The following ABCA13 variants were observed in gnomAD, a reference collection of about 807,000 sequenced individuals.
ABCA13 encodes the protein ATP binding cassette subfamily A member 13.
Under a neutral mutation model 478.7 loss-of-function variants are expected in ABCA13, and 476 were observed. The ratio of observed to expected loss-of-function variants is 0.99; its 90% CI spans 0.92 to 1.07. The LOEUF (loss-of-function observed/expected upper bound fraction) is 1.07, where lower values mean the gene tolerates loss of function less well. Among genes scored for constraint, ABCA13 ranks in the 50% least tolerant of loss-of-function variants. The pLI, the probability that ABCA13 is intolerant of heterozygous loss-of-function variation, is 0.00. For missense variants in ABCA13, 6,060 were observed against 5,910.6 expected (o/e 1.03, Z -0.83); for synonymous variants, 2,252 against 2,158.9 (o/e 1.04, Z -1.20).
At chr7:48,242,016 C>G (rs1183634704) in intron 10 of ABCA13, among the ~76,000 whole-genome samples, 2 of 152,140 alleles carry the variant, frequency 1.3e-5, no homozygotes, top group African/African-American at 4.8e-5. Flanking sequence ...AGCAAGGATG[C>G]CTTGAAGTAG....
intron 59 of ABCA13, among the ~76,000 whole-genome samples, chr7:48,620,918 C>T (rs1231676882): frequency 6.6e-6 from 1 of 152,072 alleles, no homozygotes; most frequent in Non-Finnish European, 1.5e-5. Context: ...AAAGGAGTGC[C>T]CTCTTCTCCT....
At chr7:48,570,559 G>C (rs1000200604) in intron 55 of ABCA13, among the ~76,000 whole-genome samples, 1 of 151,504 alleles carries the variant, frequency 6.6e-6, no homozygotes, top group Non-Finnish European at 1.5e-5. Context: ...TCCTCACCTC[G>C]TGATCCACCC....
chr7:48,344,925 C>G (rs899454542), intron 29 of ABCA13, among the ~76,000 whole-genome samples: 3 of 152,180 alleles, frequency 2.0e-5, no homozygotes, highest in Non-Finnish European at 2.9e-5. Context: ...TCTTTCCTCC[C>G]AGAGGAGGGA....
At chr7:48,358,573 C>G (rs999638345) in intron 31 of ABCA13, among the ~76,000 whole-genome samples, 1 of 152,004 alleles carries the variant, frequency 6.6e-6, no homozygotes, top group Non-Finnish European at 1.5e-5. Context: ...AGTTATTCCT[C>G]TATTCATCTA....
chr7:48,498,043 G>A (rs1016961448), intron 48 of ABCA13, among the ~76,000 whole-genome samples: 2 of 152,100 alleles, frequency 1.3e-5, no homozygotes, highest in East Asian at 1.9e-4. Flanking sequence ...GTAGAGTGGC[G>A]GCTAGCCCTG....
At chr7:48,314,723 A>C (rs1802295817) in intron 26 of ABCA13, among the ~76,000 whole-genome samples, 1 of 152,200 alleles carries the variant, frequency 6.6e-6, no homozygotes, top group South Asian at 2.1e-4. Context: ...CATAAAGACC[A>C]TGAGCACTGC....
At chr7:48,555,281 G>A (rs1319811333) in intron 55 of ABCA13, among the ~76,000 whole-genome samples, 4 of 151,792 alleles carry the variant, frequency 2.6e-5, no homozygotes, top group African/African-American at 7.2e-5. Context: ...CAGAGATATT[G>A]GCACATAGTT....
rs1323564521 is a variant in ABCA13 at position 48,589,091 on chromosome 7, T to C, written c.14640+1803T>C. On this transcript the variant is annotated intron_variant, in intron 57 of 61. Transcript: ENST00000435803. ...TATGAACCTAAGCTCTTAAGAAATA[T>C]GTGTTTAGTACTCCCTGGCTAATAA... is the stretch of plus-strand genomic sequence containing the variant. 3.9e-5 allele frequency among the ~76,000 whole-genome samples: 6 copies of C among 152,226 alleles called. No homozygotes were observed. The East Asian group carries it at 5.8e-4, about 15-fold the overall frequency.
chr7:48,469,849 G>T (rs961320324), intron 44 of ABCA13, among the ~76,000 whole-genome samples: 14 of 151,982 alleles, frequency 9.2e-5, no homozygotes, highest in Non-Finnish European at 2.1e-4. Flanking sequence ...GAGCCCAGGA[G>T]GCGGAGGTTG....
At chr7:48,373,715 A>G (rs1813013547) in intron 33 of ABCA13, among the ~76,000 whole-genome samples, 1 of 152,232 alleles carries the variant, frequency 6.6e-6, no homozygotes, top group Non-Finnish European at 1.5e-5. Flanking sequence ...CCTGATTTTC[A>G]GATGGTGTTA....
chr7:48,546,013 T>C (rs1386370909), intron 55 of ABCA13, among the ~76,000 whole-genome samples: 1 of 151,772 alleles, frequency 6.6e-6, no homozygotes, highest in Non-Finnish European at 1.5e-5. Context: ...TGAAGAAACA[T>C]TACATTTATT....
At chr7:48,631,665 C>T (rs1794176721) in intron 59 of ABCA13, among the ~76,000 whole-genome samples, 1 of 150,820 alleles carries the variant, frequency 6.6e-6, no homozygotes, top group African/African-American at 2.4e-5. Flanking sequence ...TTTTTTGGTT[C>T]CATATGAGTT....
rs180877169 is a variant in ABCA13 at position 48,579,804 on chromosome 7, G to C, written c.14355-420G>C. The stretch of plus-strand genomic sequence containing the variant: ...AGGGGAGGAAATGTATGGTGGACTA[G>C]GGTTGTCTCATTATGCAGATAAGAG... On this transcript the variant is annotated intron_variant, in intron 55 of 61. Coordinates refer to ENST00000435803, the MANE Select transcript of ABCA13 (RefSeq NM_152701.5). Among the ~76,000 whole-genome samples, 3 of 152,258 alleles carry C rather than the reference G, an allele frequency of 2.0e-5. No individual in the cohort carries two copies. The East Asian group carries it at 5.8e-4, about 29-fold the overall frequency.
intron 3 of ABCA13, among the ~76,000 whole-genome samples, chr7:48,207,351 T>C (rs575359814): frequency 1.3e-5 from 2 of 152,248 alleles, no homozygotes; most frequent in South Asian, 4.1e-4. Context: ...GTAGTTTTAT[T>C]TCTAGTTTTT....
At chr7:48,640,473 G>A (rs999539367) in intron 59 of ABCA13, among the ~76,000 whole-genome samples, 3 of 152,066 alleles carry the variant, frequency 2.0e-5, no homozygotes, top group African/African-American at 7.2e-5. Flanking sequence ...GTTCCAAAAT[G>A]TTGTACCTCA....
intron 35 of ABCA13, among the ~76,000 whole-genome samples, chr7:48,384,278 G>A (rs954144364): frequency 6.6e-6 from 1 of 152,188 alleles, no homozygotes; most frequent in Non-Finnish European, 1.5e-5. Context: ...CATTGTTCAC[G>A]TATGTGTCAA....
intron 16 of ABCA13, among the ~76,000 whole-genome samples, chr7:48,270,471 G>A (rs1379389154): frequency 6.6e-6 from 1 of 152,168 alleles, no homozygotes; most frequent in African/African-American, 2.4e-5. Flanking sequence ...ATACAAATAA[G>A]TTTTATATTC....
Position 48,264,693 on chromosome 7 carries a change from G to A in ABCA13, c.2006-4287G>A, listed in dbSNP as rs1021449125. Among the ~76,000 whole-genome samples, 4 of 151,406 alleles carry A rather than the reference G, an allele frequency of 2.6e-5. No homozygotes were observed. In the East Asian group the frequency reaches 7.7e-4, roughly 29 times the overall value. On this transcript the variant is annotated intron_variant, in intron 15 of 61. Coordinates refer to ENST00000435803, the MANE Select transcript of ABCA13 (RefSeq NM_152701.5). ...GATACAAACTCTTTATCAGACATAC[G>A]CTTTGCAAATATTTCCTCCTGGCCT...
At chr7:48,452,887 A>G (rs967024557) in intron 42 of ABCA13, among the ~76,000 whole-genome samples, 3 of 152,216 alleles carry the variant, frequency 2.0e-5, no homozygotes, top group African/African-American at 7.2e-5. Context: ...TTTTAGCTTG[A>G]GTTAGAGAAT....
Sources: gnomAD v4.1 joint callset for allele counts (sites outside exome capture counted in the v4.1 genomes callset) on GRCh38, gnomAD v4.1.1 for gene constraint, MANE v1.5 for transcripts, NCBI Gene and HGNC (gene_info 2026-07-23, HGNC 2026-07-21) for gene names.